FAN1: variants seen among roughly 807,000 people sequenced by gnomAD.
The protein encoded by FAN1 is fanconi-associated nuclease 1.
In FAN1, 91 loss-of-function variants were observed where a neutral mutation model predicts 104.9. The observed-to-expected ratio is 0.87, with a 90% confidence interval of 0.73 to 1.03. The LOEUF (loss-of-function observed/expected upper bound fraction) is 1.03. FAN1 is among the 50% of genes least tolerant of loss of function. FAN1 has a pLI of 0.00. For missense variants in FAN1, 1,263 were observed against 1,239.9 expected (o/e 1.02, Z -0.28); for synonymous variants, 478 against 457.6 (o/e 1.04, Z -0.57).
At position 30,937,390 on chromosome 15, in the gene FAN1, A is replaced by G. The variant is rs543947317; in HGVS notation, c.*3+131A>G. The stretch of plus-strand genomic sequence containing the variant: ...ACTTGTCATTTTACAGTGTCTGCAT[A>G]TCACAAAACAGTGTTTGCTTGAATA... On this transcript the variant is annotated intron_variant, in intron 14 of 14. Transcript: ENST00000362065. 8 of 793,668 alleles carry G rather than the reference A, an allele frequency of 1.0e-5. No homozygotes were observed. The Admixed American group carries it at 2.4e-4, about 24-fold the overall frequency. The allele number at this position is 793,668 out of a possible 1,614,324, so 49.2% of individuals were successfully genotyped here.
intron 2 of FAN1, among the ~76,000 whole-genome samples, chr15:30,907,525 A>C (rs2062008362): frequency 8.8e-6 from 1 of 113,540 alleles, no homozygotes; most frequent in African/African-American, 4.6e-5. Flanking sequence ...TCTCAAAAAA[A>C]ACAAAACAAA....
Position 30,918,189 on chromosome 15 carries a change from A to T in FAN1, c.1837A>T (p.Ser613Cys), listed in dbSNP as rs2062234892. 6.2e-7 allele frequency: 1 copy of T among 1,613,908 alleles called. No individual in the cohort carries two copies. The highest frequency in any genetic ancestry group is 1.1e-5 in the South Asian group (1 of 91,080). The change falls in exon 6 of 15, where the codon AGT becomes TGT. Residue 613 changes from serine to cysteine, a missense_variant. By Grantham distance (112) the Ser-to-Cys change is moderately radical (BLOSUM62 -1). Around this residue, in one of 2 missense-constraint regions of FAN1, gnomAD observed 581 missense variants for 668.8 expected, o/e 0.87. Coordinates refer to ENST00000362065, the MANE Select transcript of FAN1 (RefSeq NM_014967.5). Reference protein sequence around the residue: ...IRYAAATHMLSDISSAMANGN... With the variant: ...IRYAAATHMLCDISSAMANGN... Reference sequence around the variant, plus strand: ...ATATGCAGCAGCCACGCACATGCTGAGTGACATTTCTTCCGCAATGGCCAA... The same window carrying T: ...ATATGCAGCAGCCACGCACATGCTGTGTGACATTTCTTCCGCAATGGCCAA...
At chr15:30,922,411 A>T in intron 8 of FAN1, 57 bp downstream of exon 8, 1 of 1,530,384 alleles carries the variant, frequency 6.5e-7, no homozygotes, top group Non-Finnish European at 8.8e-7. Flanking sequence ...CAACTTTTAA[A>T]ATATGGCAAA....
intron 8 of FAN1, 165 bp from the exon 9 acceptor site, chr15:30,924,962 A>G: frequency 4.6e-6 from 3 of 658,028 alleles, no homozygotes; most frequent in Non-Finnish European, 7.3e-6. Flanking sequence ...TGAAATCCTC[A>G]GAATAAGATC....
chr15:30,925,353 G>T, intron 9 of FAN1, 62 bp downstream of exon 9: 1 of 1,476,472 alleles, frequency 6.8e-7, no homozygotes, highest in East Asian at 2.3e-5. Flanking sequence ...TTTTGGACCA[G>T]AAGCATCCTA....
rs2062683996 is a variant in FAN1 at position 30,930,591 on chromosome 15, C to T, written c.2836C>T (p.His946Tyr). Residue 946 changes from histidine (H) to tyrosine (Y), a missense_variant, in exon 13 of 15, where the codon CAC (histidine) becomes TAC (tyrosine). His to Tyr is a moderately conservative substitution (Grantham distance 83). Around this residue, in one of 2 missense-constraint regions of FAN1, gnomAD observed 581 missense variants for 668.8 expected, o/e 0.87. Coordinates refer to ENST00000362065, the MANE Select transcript of FAN1 (RefSeq NM_014967.5). ...CCCTGTGCTCAGTGGTGTGTGCAGG[C>T]ACCTGGCTGCTGACTTTCGACACTG... is the stretch of plus-strand genomic sequence containing the variant. ...GGPVLSGVCR[H>Y]LAADFRHCRG... The T allele has an allele frequency of 6.2e-7, 1 of 1,612,996 alleles. No individual in the cohort carries two copies. The highest frequency in any genetic ancestry group is 8.5e-7 in the Non-Finnish European group (1 of 1,179,618).
At chr15:30,909,161 A>T (rs760099628) in intron 3 of FAN1, among the ~76,000 whole-genome samples, 9 of 152,176 alleles carry the variant, frequency 5.9e-5, no homozygotes, top group Non-Finnish European at 1.2e-4. Flanking sequence ...CTGTATTAGG[A>T]AAGGGAAATG....
chr15:30,941,527 T>C, intron 14 of FAN1, 39 bp from the exon 15 acceptor site: 1 of 1,610,614 alleles, frequency 6.2e-7, no homozygotes, highest in South Asian at 1.1e-5. Context: ...CACTTAAAAA[T>C]TTGCTTAATG....
Position 30,905,858 on chromosome 15 carries a change from CAGG to C in FAN1, c.1198_1200del (p.Glu400del), listed in dbSNP as rs1358149835. On this transcript the variant is annotated inframe_deletion, in exon 2 of 15. Coordinates refer to ENST00000362065, the MANE Select transcript of FAN1 (RefSeq NM_014967.5). ...AGATGATATGTTGCTCTTTGATGAGCAGGAGAAGGGAATTGTAACTAAATTTTA... is the reference window on the plus strand; with the variant it reads ...AGATGATATGTTGCTCTTTGATGAGCAGAAGGGAATTGTAACTAAATTTTA... 3.1e-6 allele frequency: 5 copies of C among 1,613,794 alleles called. No homozygotes were observed. Among genetic ancestry groups the C allele is most frequent in the Middle Eastern group, 1.6e-4 (1 of 6,062 alleles).
intron 9 of FAN1, 130 bp downstream of exon 9, chr15:30,925,421 G>T: frequency 1.1e-6 from 1 of 910,382 alleles, no homozygotes; most frequent in South Asian, 1.7e-5. Context: ...AACTCGTTTT[G>T]GACGGCTGTG....
chr15:30,940,169 G>A (rs911295122), intron 14 of FAN1: 16 of 985,292 alleles, frequency 1.6e-5, no homozygotes, highest in African/African-American at 5.2e-5. Flanking sequence ...TGTTTTAAGC[G>A]GGGAATGAGG....
chr15:30,921,941 A>G (rs2062341578), intron 7 of FAN1, among the ~76,000 whole-genome samples: 1 of 151,848 alleles, frequency 6.6e-6, no homozygotes. Flanking sequence ...ACCCTGTGCG[A>G]CTCTGCACTG....
Position 30,934,787 on chromosome 15 carries a change from C to T in FAN1, c.2917-2332C>T, listed in dbSNP as rs111470935. ...GTATATTATATATCTTAAACTTATC[C>T]ACCTTCAGGTGATACACACTTTAGA... On this transcript the variant is annotated intron_variant, in intron 13 of 14. Coordinates refer to ENST00000362065, the MANE Select transcript of FAN1 (RefSeq NM_014967.5). 2.4e-3 allele frequency among the ~76,000 whole-genome samples: 362 copies of T among 152,286 alleles called. 1 individual carries two copies. The highest frequency in any genetic ancestry group is 8.3e-3 in the African/African-American group (344 of 41,558).
chr15:30,927,728 G>T, intron 10 of FAN1: 1 of 985,716 alleles, frequency 1.0e-6, no homozygotes, highest in Non-Finnish European at 1.2e-6. Flanking sequence ...CATCCATGTG[G>T]CCTCCTCCTC....
At chr15:30,932,221 C>CAAAA (rs766829435) in intron 13 of FAN1, among the ~76,000 whole-genome samples, 13 of 49,458 alleles carry the variant, frequency 2.6e-4, no homozygotes, top group East Asian at 1.3e-3. Context: ...GACTCCATCT[C>CAAAA]AAAAAAAAAA....
Position 30,913,919 on chromosome 15 carries a change from CGCATCTT to C in FAN1, c.1642_1648del (p.Ile548TyrfsTer5). 6.2e-7 allele frequency: 1 copy of C among 1,614,160 alleles called. No homozygotes were observed. The highest frequency in any genetic ancestry group is 8.5e-7 in the Non-Finnish European group (1 of 1,180,032). On this transcript the variant is annotated frameshift_variant, in exon 5 of 15. Transcript: ENST00000362065. LOFTEE classifies it high-confidence loss of function. ...TAAAGGCCCCAGGGCTGTGTTTTCC[CGCATCTT>C]GCTACTGTTTTCGTTGACCGACTCA...
At chr15:30,928,773 G>A in intron 11 of FAN1, 117 bp downstream of exon 11, 1 of 1,540,704 alleles carries the variant, frequency 6.5e-7, no homozygotes, top group South Asian at 1.3e-5. Context: ...GGTCCTTTGG[G>A]TCATCCACAG....
chr15:30,937,079 G>T (rs1212664718), intron 13 of FAN1, 40 bp from the exon 14 acceptor site: 2 of 1,573,610 alleles, frequency 1.3e-6, no homozygotes, highest in Non-Finnish European at 1.7e-6. Flanking sequence ...TTTTCATTCA[G>T]TAAGATACTA....
intron 14 of FAN1, 148 bp from the exon 15 acceptor site, chr15:30,941,418 C>A: frequency 1.3e-6 from 2 of 1,564,558 alleles, no homozygotes; most frequent in South Asian, 2.5e-5. Context: ...AATGTTAATT[C>A]AGAGGAAAAA....
Sources: allele counts gnomAD v4.1 joint callset (sites outside exome capture counted in the v4.1 genomes callset), GRCh38; gene constraint gnomAD v4.1.1; regional missense constraint gnomAD v4.1.1; transcripts MANE v1.5; gene names NCBI Gene and HGNC (gene_info 2026-07-23, HGNC 2026-07-21).